Variants in LRMDA observed in about 807,000 individuals in gnomAD.
LRMDA encodes leucine rich melanocyte differentiation associated, also known as leucine-rich melanocyte differentiation-associated protein.
LRMDA carries 18 observed loss-of-function variants against 29.8 expected under a neutral mutation model. The observed-to-expected ratio is 0.60, with a 90% confidence interval of 0.42 to 0.90. The LOEUF is 0.90. LRMDA is among the 40% of genes least tolerant of loss of function. LRMDA has a pLI of 0.00. For synonymous variants in LRMDA, 125 were observed against 109.4 expected, an observed-to-expected ratio of 1.14 and a Z score of -0.89; for missense variants, 273 against 273.9, an observed-to-expected ratio of 1.00 and a Z score of 0.02.
chr10:76,400,298 C>T (rs1841834858), intron 6 of LRMDA, among the ~76,000 whole-genome samples: 2 of 152,104 alleles, frequency 1.3e-5, no homozygotes, highest in East Asian at 1.9e-4. Flanking sequence ...CAGATGAGAC[C>T]CCAGCCCTGG....
At chr10:75,804,803 G>T (rs918230615) in intron 2 of LRMDA, among the ~76,000 whole-genome samples, 1 of 152,198 alleles carries the variant, frequency 6.6e-6, no homozygotes, top group Non-Finnish European at 1.5e-5. Context: ...TGTATAAGCT[G>T]TTTTGAGTTT....
intron 2 of LRMDA, among the ~76,000 whole-genome samples, chr10:75,753,081 T>A (rs1564558692): frequency 6.6e-6 from 1 of 152,174 alleles, no homozygotes; most frequent in Non-Finnish European, 1.5e-5. Context: ...GAGTTGACTT[T>A]TTTTTCCTTT....
At chr10:76,384,446 G>A (rs558460764) in intron 6 of LRMDA, among the ~76,000 whole-genome samples, 16 of 152,302 alleles carry the variant, frequency 1.1e-4, no homozygotes, top group African/African-American at 3.6e-4. Context: ...GTTATATCCA[G>A]ACCTGTCTGT....
At chr10:75,785,659 T>C (rs1843459786) in intron 2 of LRMDA, among the ~76,000 whole-genome samples, 1 of 152,234 alleles carries the variant, frequency 6.6e-6, no homozygotes, top group Non-Finnish European at 1.5e-5. Flanking sequence ...GGGTGTGATA[T>C]TCTGCTCAAG....
intron 2 of LRMDA, among the ~76,000 whole-genome samples, chr10:76,022,223 T>C (rs149803988): frequency 5.2e-4 from 79 of 152,274 alleles, no homozygotes; most frequent in African/African-American, 1.8e-3. Flanking sequence ...AGGATTGTAC[T>C]CCTAGTGCCT....
chr10:75,800,998 C>T (rs1293563052), intron 2 of LRMDA, among the ~76,000 whole-genome samples: 1 of 152,176 alleles, frequency 6.6e-6, no homozygotes, highest in African/African-American at 2.4e-5. Context: ...AATTTGTAAT[C>T]CTAAGGCATA....
intron 5 of LRMDA, among the ~76,000 whole-genome samples, chr10:76,173,570 A>G (rs2132196178): frequency 6.6e-6 from 1 of 152,378 alleles, no homozygotes; most frequent in South Asian, 2.1e-4. Flanking sequence ...TTATGCCAAT[A>G]AGTTTGACAA....
chr10:76,520,138 T>C (rs1176236698), intron 6 of LRMDA, among the ~76,000 whole-genome samples: 1 of 152,116 alleles, frequency 6.6e-6, no homozygotes, highest in African/African-American at 2.4e-5. Context: ...ATTCATTTAG[T>C]CCTAATATTT....
chr10:75,925,623 G>GGTGGTAATGGTGGCAGTGGTA (rs1293686488), intron 2 of LRMDA, among the ~76,000 whole-genome samples: 1 of 151,880 alleles, frequency 6.6e-6, no homozygotes, highest in Non-Finnish European at 1.5e-5. Flanking sequence ...TGGCAGTGGT[G>GGTGGTAATGGTGGCAGTGGTA]GTGGTAATGG....
chr10:76,240,175 C>T (rs1449008954), intron 5 of LRMDA, among the ~76,000 whole-genome samples: 4 of 150,346 alleles, frequency 2.7e-5, no homozygotes, highest in East Asian at 2.0e-4. Flanking sequence ...AAATCAAAAT[C>T]GCATACACAC....
chr10:76,212,898 G>A (rs1163417266), intron 5 of LRMDA, among the ~76,000 whole-genome samples: 1 of 152,138 alleles, frequency 6.6e-6, no homozygotes, highest in Admixed American at 6.5e-5. Flanking sequence ...AAGGAATCAG[G>A]CAATGTCCAT....
intron 2 of LRMDA, among the ~76,000 whole-genome samples, chr10:75,506,775 C>T (rs1845173201): frequency 6.6e-6 from 1 of 152,164 alleles, no homozygotes; most frequent in African/African-American, 2.4e-5. Flanking sequence ...AATCTTGGTG[C>T]CTGGTGTCTT....
chr10:76,219,266 A>C (rs1851784988), intron 5 of LRMDA, among the ~76,000 whole-genome samples: 1 of 152,182 alleles, frequency 6.6e-6, no homozygotes, highest in African/African-American at 2.4e-5. Context: ...ACATAACAAT[A>C]TTAACTTTAA....
intron 4 of LRMDA, among the ~76,000 whole-genome samples, chr10:76,053,295 G>A (rs1848560063): frequency 2.0e-5 from 3 of 152,120 alleles, no homozygotes; most frequent in Admixed American, 2.0e-4. Flanking sequence ...TGTGATTGCA[G>A]GTTATCTGGG....
At chr10:76,258,438 A>G (rs1390639293) in intron 5 of LRMDA, among the ~76,000 whole-genome samples, 3 of 151,914 alleles carry the variant, frequency 2.0e-5, no homozygotes, top group African/African-American at 4.8e-5. Context: ...CATCGCAAAC[A>G]TTTTTCATTT....
intron 5 of LRMDA, among the ~76,000 whole-genome samples, chr10:76,211,296 T>C (rs1280589907): frequency 2.0e-5 from 3 of 152,228 alleles, no homozygotes; most frequent in Non-Finnish European, 4.4e-5. Flanking sequence ...ATTCCTTTGA[T>C]TCACAGTGCC....
chr10:75,589,774 A>ATT, intron 2 of LRMDA, among the ~76,000 whole-genome samples: 1 of 151,240 alleles, frequency 6.6e-6, no homozygotes, highest in Non-Finnish European at 1.5e-5. Context: ...AAATATATAT[A>ATT]TATAGAGAGA....
chr10:76,211,612 T>C (rs983050591), intron 5 of LRMDA, among the ~76,000 whole-genome samples: 1 of 152,250 alleles, frequency 6.6e-6, no homozygotes, highest in African/African-American at 2.4e-5. Flanking sequence ...AAAATGTCAC[T>C]TGGGTGACTT....
intron 5 of LRMDA, among the ~76,000 whole-genome samples, chr10:76,111,288 A>G (rs750762119): frequency 6.6e-6 from 1 of 152,252 alleles, no homozygotes; most frequent in African/African-American, 2.4e-5. Context: ...TAAGCTCCTC[A>G]GGACAGGGAC....
Sources: gnomAD v4.1 joint callset for allele counts (sites outside exome capture counted in the v4.1 genomes callset) on GRCh38, gnomAD v4.1.1 for gene constraint, MANE v1.5 for transcripts, NCBI Gene and HGNC (gene_info 2026-07-23, HGNC 2026-07-21) for gene names.